The following SLC4A4 variants were observed in gnomAD, a reference collection of about 807,000 sequenced individuals.
The protein encoded by SLC4A4 is electrogenic sodium bicarbonate cotransporter 1.
SLC4A4 carries 27 observed loss-of-function variants against 111.5 expected under a neutral mutation model. That is an observed-to-expected ratio of 0.24 (90% CI 0.18 to 0.33). SLC4A4 has a LOEUF of 0.33. Among genes scored for constraint, SLC4A4 ranks in the 10% least tolerant of loss-of-function variants. SLC4A4 has a pLI of 1.00. For missense variants in SLC4A4, 909 were observed against 1,315.5 expected (o/e 0.69, Z 4.78); for synonymous variants, 443 against 463.4 (o/e 0.96, Z 0.57).
chr4:71,566,954 A>G (rs1341131871), intron 24 of SLC4A4, 50 bp from the exon 25 acceptor site: 1 of 1,472,600 alleles, frequency 6.8e-7, no homozygotes, highest in Admixed American at 1.7e-5. Flanking sequence ...TTTGTTTTAT[A>G]CTTCACCAAA....
At chr4:71,361,607 T>G in intron 6 of SLC4A4, among the ~76,000 whole-genome samples, 1 of 152,210 alleles carries the variant, frequency 6.6e-6, no homozygotes, top group East Asian at 1.9e-4. Flanking sequence ...GGATTTTTCC[T>G]TACCTACTTT....
intron 1 of SLC4A4, among the ~76,000 whole-genome samples, chr4:71,213,451 C>T (rs943862348): frequency 1.3e-5 from 2 of 152,118 alleles, no homozygotes; most frequent in African/African-American, 4.8e-5. Flanking sequence ...AAGCAGGGGA[C>T]TCTTTTGTCA....
intron 18 of SLC4A4, among the ~76,000 whole-genome samples, chr4:71,539,533 CCTCTT>C (rs1206975916): frequency 1.3e-5 from 2 of 152,138 alleles, no homozygotes; most frequent in African/African-American, 4.8e-5. Context: ...CAGCCAGAAA[CCTCTT>C]CTCCTTACTT....
chr4:71,297,093 A>T (rs1724853789), intron 3 of SLC4A4, among the ~76,000 whole-genome samples: 1 of 152,234 alleles, frequency 6.6e-6, no homozygotes, highest in African/African-American at 2.4e-5. Context: ...AGTTGCACCC[A>T]GTGGCAAGAG....
chr4:71,316,522 T>G (rs943738050), intron 3 of SLC4A4, among the ~76,000 whole-genome samples: 1 of 152,132 alleles, frequency 6.6e-6, no homozygotes, highest in African/African-American at 2.4e-5. Flanking sequence ...CATGTGGTTT[T>G]TGAAAATTAC....
At chr4:71,406,052 C>G (rs1335302715) in intron 7 of SLC4A4, among the ~76,000 whole-genome samples, 1 of 151,386 alleles carries the variant, frequency 6.6e-6, no homozygotes, top group Non-Finnish European at 1.5e-5. Flanking sequence ...ATCTCAAGAG[C>G]CCTTCTTGGT....
intron 2 of SLC4A4, among the ~76,000 whole-genome samples, chr4:71,142,118 T>C (rs1244664475): frequency 6.6e-6 from 1 of 152,230 alleles, no homozygotes; most frequent in African/African-American, 2.4e-5. Context: ...AGAAAACTTC[T>C]GATACAAACT....
At chr4:71,123,364 C>G (rs990180124) in intron 2 of SLC4A4, among the ~76,000 whole-genome samples, 7 of 152,014 alleles carry the variant, frequency 4.6e-5, no homozygotes, top group African/African-American at 1.7e-4. Flanking sequence ...AGATTGCTTT[C>G]AATGAAGAAA....
At chr4:71,383,378 G>A (rs1005736733) in intron 6 of SLC4A4, among the ~76,000 whole-genome samples, 4 of 152,044 alleles carry the variant, frequency 2.6e-5, no homozygotes, top group African/African-American at 9.7e-5. Context: ...TCTTGTATTG[G>A]TTTGCCTAAA....
Position 71,555,358 on chromosome 4 carries a change from T to C in SLC4A4, c.2763+150T>C, listed in dbSNP as rs1425292066. On this transcript the variant is annotated intron_variant, in intron 21 of 25. Transcript: ENST00000264485. Reference sequence around the variant, plus strand: ...TTTCTACTTCACCATTCACCTGCTTTTCATTTCTGGTTTAATCAACAAGTT... The same window carrying C: ...TTTCTACTTCACCATTCACCTGCTTCTCATTTCTGGTTTAATCAACAAGTT... The C allele has an allele frequency of 1.1e-5, 8 of 723,142 alleles. No individual in the cohort carries two copies. The Admixed American group carries it at 1.2e-4, about 11-fold the overall frequency. The allele number at this position is 723,142 out of a possible 1,614,324, so 44.8% of individuals were successfully genotyped here.
intron 2 of SLC4A4, among the ~76,000 whole-genome samples, chr4:71,156,590 A>ACG (rs1560749502): frequency 6.5e-5 from 8 of 122,920 alleles, no homozygotes; most frequent in East Asian, 2.2e-4. Flanking sequence ...GCGCGCGCGC[A>ACG]CACACACACA....
chr4:71,087,688 G>T lies in SLC4A4; in HGVS notation c.-64-5042G>T, dbSNP rs377622159. ...CCCAGTAGTCATTCAGGAGCAGGTT[G>T]TTCAGTTTCCATGTAGTTGAGCGGT... On this transcript the variant is annotated intron_variant, in intron 1 of 26. Transcript: ENST00000649996. 7.9e-5 allele frequency among the ~76,000 whole-genome samples: 12 copies of T among 152,188 alleles called. No individual in the cohort carries two copies. The South Asian group carries it at 2.5e-3, about 32-fold the overall frequency.
chr4:71,540,022 T>G (rs1186014860), intron 18 of SLC4A4, among the ~76,000 whole-genome samples: 1 of 152,198 alleles, frequency 6.6e-6, no homozygotes, highest in East Asian at 1.9e-4. Flanking sequence ...GTAGACATAG[T>G]TAAACACTTC....
intron 3 of SLC4A4, among the ~76,000 whole-genome samples, chr4:71,325,339 G>T (rs1376622490): frequency 6.6e-6 from 1 of 151,942 alleles, no homozygotes; most frequent in Admixed American, 6.6e-5. Context: ...TAATAGGAGG[G>T]TATATCAGGA....
chr4:71,549,527 A>G (rs1192824814), intron 20 of SLC4A4, among the ~76,000 whole-genome samples: 1 of 151,746 alleles, frequency 6.6e-6, no homozygotes, highest in African/African-American at 2.4e-5. Flanking sequence ...GAATCTTTTC[A>G]TCAGTTCTAA....
At chr4:71,425,335 G>A (rs140048946) in intron 7 of SLC4A4, among the ~76,000 whole-genome samples, 261 of 152,194 alleles carry the variant, frequency 1.7e-3, no homozygotes, top group African/African-American at 6.1e-3. Flanking sequence ...GAATAGCCTC[G>A]CAGCAAAACA....
chr4:71,473,006 G>A, intron 14 of SLC4A4, 36 bp downstream of exon 14: 1 of 1,611,566 alleles, frequency 6.2e-7, no homozygotes, highest in Non-Finnish European at 8.5e-7. Flanking sequence ...TGCTCGCTTT[G>A]TATTTGGAGG....
At chr4:71,240,660 A>G (rs1199217990) in intron 2 of SLC4A4, among the ~76,000 whole-genome samples, 2 of 152,206 alleles carry the variant, frequency 1.3e-5, no homozygotes, top group African/African-American at 2.4e-5. Context: ...TGTTTTCAGG[A>G]AAAGTAAAAA....
At chr4:71,493,342 GTTTAT>G (rs1042839102) in intron 15 of SLC4A4, among the ~76,000 whole-genome samples, 1 of 151,948 alleles carries the variant, frequency 6.6e-6, no homozygotes, top group Non-Finnish European at 1.5e-5. Flanking sequence ...TAAATTGAAA[GTTTAT>G]TTTAATTTAA....
Sources: gnomAD v4.1 joint callset for allele counts (sites outside exome capture counted in the v4.1 genomes callset) on GRCh38, gnomAD v4.1.1 for gene constraint, MANE v1.5 for transcripts, NCBI Gene and HGNC (gene_info 2026-07-23, HGNC 2026-07-21) for gene names.